ATP11C: variants seen among roughly 807,000 people sequenced by gnomAD.
The protein encoded by ATP11C is phospholipid-transporting ATPase IG.
ATP11C carries 36 observed loss-of-function variants against 97.4 expected under a neutral mutation model. The ratio of observed to expected loss-of-function variants is 0.37; its 90% CI spans 0.28 to 0.49. The LOEUF is 0.49. Ranked by LOEUF, ATP11C falls within the 20% of genes least tolerant of loss-of-function variation. The pLI is 0.98. For missense variants in ATP11C, 730 were observed against 824.6 expected, an observed-to-expected ratio of 0.89 and a Z score of 1.40; for synonymous variants, 275 against 290.9, an observed-to-expected ratio of 0.95 and a Z score of 0.56.
At chrX:139,761,929 A>T (rs1262723558) in intron 22 of ATP11C, 32 bp downstream of exon 22, 1 of 1,064,270 alleles carries the variant, frequency 9.4e-7, no homozygotes, top group African/African-American at 1.9e-5. Flanking sequence ...TGGATTAAAA[A>T]GAAATTAAAT....
intron 20 of ATP11C, among the ~76,000 whole-genome samples, chrX:139,767,273 C>A (rs1303580428): frequency 4.5e-5 from 5 of 111,410 alleles, no homozygotes; most frequent in African/African-American, 1.6e-4. Context: ...GAGACTAAAT[C>A]AAATAGTCTG....
At chrX:139,787,385 C>T in intron 14 of ATP11C, 141 bp from the exon 15 acceptor site, 3 of 407,393 alleles carry the variant, frequency 7.4e-6, no homozygotes, top group Non-Finnish European at 1.2e-5. Flanking sequence ...GCAACCTTCA[C>T]CTCCCAGTTT....
At chrX:139,772,045 G>A (rs2082263987) in intron 19 of ATP11C, among the ~76,000 whole-genome samples, 1 of 111,962 alleles carries the variant, frequency 8.9e-6, no homozygotes, top group Non-Finnish European at 1.9e-5. Context: ...AGGCCCGGAG[G>A]CCCAGGAAGA....
At chrX:139,786,982 C>T (rs2082586162) in intron 15 of ATP11C, among the ~76,000 whole-genome samples, 191 bp downstream of exon 15, 1 of 112,386 alleles carries the variant, frequency 8.9e-6, no homozygotes, top group African/African-American at 3.2e-5. Context: ...GGAATTTCCA[C>T]CTCAAACTCC....
intron 1 of ATP11C, among the ~76,000 whole-genome samples, chrX:139,865,908 A>G (rs2084274303): frequency 8.9e-6 from 1 of 112,181 alleles, no homozygotes; most frequent in Admixed American, 9.5e-5. Flanking sequence ...TGCCAAGATA[A>G]ACACATCTCT....
intron 1 of ATP11C, chrX:139,910,006 G>C (rs1283288323): frequency 2.7e-5 from 3 of 112,467 alleles, no homozygotes; most frequent in Admixed American, 9.5e-5. Flanking sequence ...ACTATTGCTA[G>C]ATCTATGGGA....
intron 3 of ATP11C, 22 bp downstream of exon 3, chrX:139,819,316 T>C (rs2083352727): frequency 5.1e-6 from 4 of 782,619 alleles, no homozygotes; most frequent in Non-Finnish European, 7.2e-6. Context: ...AAAAGTTAAG[T>C]GGCTGTTTAA....
At chrX:139,820,560 G>C (rs925746249) in intron 2 of ATP11C, among the ~76,000 whole-genome samples, 1 of 110,437 alleles carries the variant, frequency 9.1e-6, no homozygotes, top group Non-Finnish European at 1.9e-5. Flanking sequence ...TTCCATGACA[G>C]CTGGGAAGGT....
upstream of ATP11C, among the ~76,000 whole-genome samples, chrX:139,934,522 TAG>T (rs748228599): frequency 1.6e-4 from 17 of 109,598 alleles, no homozygotes; most frequent in African/African-American, 5.6e-4. Context: ...GATTTTCAAA[TAG>T]AGTTATTTTC....
Position 139,738,189 on chromosome X carries a change from A to G in ATP11C, c.3135-120T>C, listed in dbSNP as rs577730977. 155 of 510,062 alleles carry G rather than the reference A, an allele frequency of 3.0e-4. 1 individual carries two copies. In the South Asian group the frequency reaches 0.013, roughly 42 times the overall value. The allele number at this position is 510,062 out of a possible 1,213,427, so 42.0% of individuals were successfully genotyped here. On this transcript the variant is annotated intron_variant, in intron 27 of 29. Coordinates refer to ENST00000682941, the MANE Select transcript of ATP11C (RefSeq NM_001353812.2). ...ATCTTCCTTACATACATTAATAAAA[A>G]TAATTTTCTCTAGAATATCCCAAAG...
At chrX:139,812,181 C>T (rs1372408120) in intron 5 of ATP11C, among the ~76,000 whole-genome samples, 1 of 112,035 alleles carries the variant, frequency 8.9e-6, no homozygotes, top group Non-Finnish European at 1.9e-5. Context: ...GCCAAGCAAT[C>T]TGCTATTTAG....
intron 1 of ATP11C, among the ~76,000 whole-genome samples, chrX:139,886,453 G>A (rs1306996979): frequency 9.1e-6 from 1 of 109,789 alleles, no homozygotes; most frequent in Non-Finnish European, 1.9e-5. Flanking sequence ...GCTGGGCGTG[G>A]TGGAGCACAC....
chrX:139,926,362 C>G (rs1302100917), intron 1 of ATP11C, among the ~76,000 whole-genome samples: 1 of 111,453 alleles, frequency 9.0e-6, no homozygotes, highest in Non-Finnish European at 1.9e-5. Flanking sequence ...ACTGAATAAC[C>G]ATGTTAGACA....
chrX:139,798,997 A>G (rs2082862610), intron 8 of ATP11C, among the ~76,000 whole-genome samples: 1 of 111,101 alleles, frequency 9.0e-6, no homozygotes, highest in South Asian at 3.9e-4. Context: ...ATGGGGGGGG[A>G]TAAAAGGATT....
At position 139,745,835 on chromosome X, in the gene ATP11C, G is replaced by C; in HGVS notation, c.2851C>G (p.Leu951Val). The change falls in exon 25 of 30, where the codon CTA (leucine) becomes GTA (valine). Residue 951 changes from leucine to valine, a missense_variant. Coordinates refer to ENST00000682941, the MANE Select transcript of ATP11C (RefSeq NM_001353812.2). ...CAATATAAGAAGGGGCCCAACTGTA[G>C]CATGGCATTGCCAGAAATTTTCCTA... ...LYMKISGNAM[L>V]QLGPFLYWTF... is the part of the protein sequence containing the mutation. 1 of 1,199,888 alleles carries C rather than the reference G, an allele frequency of 8.3e-7. No homozygotes were observed. The highest frequency in any genetic ancestry group is 1.9e-5 in the South Asian group (1 of 53,900).
chrX:139,790,659 C>A (rs910943691), intron 12 of ATP11C, among the ~76,000 whole-genome samples: 1 of 111,424 alleles, frequency 9.0e-6, no homozygotes, highest in African/African-American at 3.3e-5. Context: ...AAATGCACCA[C>A]ATCATATAAT....
intron 1 of ATP11C, among the ~76,000 whole-genome samples, chrX:139,930,880 A>C (rs762545793): frequency 8.9e-6 from 1 of 112,685 alleles, no homozygotes; most frequent in Non-Finnish European, 1.9e-5. Context: ...CCGATGTATG[A>C]AAAATGTTAG....
intron 23 of ATP11C, among the ~76,000 whole-genome samples, chrX:139,756,861 A>G (rs904541149): frequency 9.2e-6 from 1 of 108,339 alleles, no homozygotes; most frequent in Admixed American, 1.0e-4. Context: ...AAAGCTACCT[A>G]TCAGGTACTA....
intron 1 of ATP11C, among the ~76,000 whole-genome samples, chrX:139,862,920 C>A (rs916128935): frequency 9.0e-6 from 1 of 111,681 alleles, no homozygotes; most frequent in Non-Finnish European, 1.9e-5. Context: ...ACTGCTCTAG[C>A]ATCTGTTTCT....
Sources: gnomAD v4.1 joint callset for allele counts (sites outside exome capture counted in the v4.1 genomes callset) on GRCh38, gnomAD v4.1.1 for gene constraint, MANE v1.5 for transcripts, NCBI Gene and HGNC (gene_info 2026-07-23, HGNC 2026-07-21) for gene names.